The following MATN4 variants were observed in gnomAD, a reference collection of about 807,000 sequenced individuals.
MATN4 encodes the protein matrilin 4, also known as matrilin-4.
Under a neutral mutation model 54.6 loss-of-function variants are expected in MATN4, and 40 were observed. The observed-to-expected ratio is 0.73, with a 90% CI of 0.57 to 0.95. MATN4 has a LOEUF of 0.95. Ranked by LOEUF, MATN4 falls within the 40% of genes least tolerant of loss-of-function variation. The probability of loss-of-function intolerance (pLI) is 0.00; values close to 1 mark genes in which losing one functional copy is unlikely to be tolerated. For synonymous variants in MATN4, 351 were observed against 345.3 expected (o/e 1.02, Z -0.18); for missense variants, 810 against 819.1 (o/e 0.99, Z 0.13).
At position 45,308,228 on chromosome 20, in the gene MATN4, G is replaced by A. The variant is rs770134767; in HGVS notation, c.-88C>T. 9.9e-6 allele frequency: 16 copies of A among 1,613,864 alleles called. No homozygotes were observed. The highest frequency in any genetic ancestry group is 1.3e-5 in the Non-Finnish European group (15 of 1,179,734). On this transcript the variant is annotated 5_prime_UTR_variant, in exon 1 of 10. Transcript: ENST00000372756. Reference sequence around the variant, plus strand: ...AGCTGCAGAGCGAAGCCGACAGGCGGAGCCTCCCGGGCACTTGGACCAGGT... The same window carrying A: ...AGCTGCAGAGCGAAGCCGACAGGCGAAGCCTCCCGGGCACTTGGACCAGGT...
Position 45,304,574 on chromosome 20 carries a change from G to A in MATN4, c.297C>T (p.Arg99=), listed in dbSNP as rs1986456371. The part of the protein sequence containing the change: ...RAFSRREDME[R]AIRDLVPLAQ... ...CCAGAGGCACCAGGTCGCGGATGGC[G>A]CGCTCCATGTCCTCGCGGCGAGAGA... is the stretch of plus-strand genomic sequence containing the variant. The change falls in exon 3 of 10, where the codon CGC becomes CGT. Residue 99 remains arginine (R), a synonymous_variant. Coordinates refer to ENST00000372756, the MANE Select transcript of MATN4 (RefSeq NM_001393530.1). 1.9e-6 allele frequency: 3 copies of A among 1,598,696 alleles called. No individual in the cohort carries two copies. The highest frequency in any genetic ancestry group is 1.7e-5 in the Admixed American group (1 of 59,748).
intron 8 of MATN4, among the ~76,000 whole-genome samples, chr20:45,294,741 G>T (rs1985702660): frequency 6.6e-6 from 1 of 152,156 alleles, no homozygotes; most frequent in South Asian, 2.1e-4. Context: ...ACATTACATG[G>T]ACCAGTACCA....
At position 45,298,925 on chromosome 20, in the gene MATN4, A is replaced by G. The variant is rs1362641371; in HGVS notation, c.1013-342T>C. Among the ~76,000 whole-genome samples, 1 of 152,196 alleles carries G rather than the reference A, an allele frequency of 6.6e-6. No homozygotes were observed. Among genetic ancestry groups the G allele is most frequent in the Non-Finnish European group, 1.5e-5 (1 of 68,040 alleles). ...CAGGCACACTTCTAAGCACTCTACCAGTATTAACAATAATAATAACAAAAA... is the reference window on the plus strand; with the variant it reads ...CAGGCACACTTCTAAGCACTCTACCGGTATTAACAATAATAATAACAAAAA... On this transcript the variant is annotated intron_variant, in intron 6 of 9. Coordinates refer to ENST00000372756, the MANE Select transcript of MATN4 (RefSeq NM_001393530.1). This position sits in a 1 kb window ranked among gnomAD's most constrained non-coding sequence, Gnocchi z 4.6.
intron 6 of MATN4, 39 bp downstream of exon 6, chr20:45,300,848 G>A: frequency 1.2e-6 from 2 of 1,608,276 alleles, no homozygotes; most frequent in Non-Finnish European, 1.7e-6. Flanking sequence ...TGGGCAATGG[G>A]GCAGAAGCCA....
At chr20:45,305,862 G>A (rs534702029) in intron 1 of MATN4, among the ~76,000 whole-genome samples, 81 of 120,046 alleles carry the variant, frequency 6.7e-4, no homozygotes, top group African/African-American at 2.3e-3. Flanking sequence ...GGAGTGCAGT[G>A]GCATGATCTC....
chr20:45,302,678 C>A (rs1986304317), intron 3 of MATN4, among the ~76,000 whole-genome samples: 1 of 152,108 alleles, frequency 6.6e-6, no homozygotes, highest in Non-Finnish European at 1.5e-5. Flanking sequence ...GAGCAGCACA[C>A]AAAGAGCTGA....
Position 45,301,310 on chromosome 20 carries a change from G to A in MATN4, c.766+11C>T. 3.1e-6 allele frequency: 5 copies of A among 1,614,110 alleles called. No homozygotes were observed. Among genetic ancestry groups the A allele is most frequent in the Non-Finnish European group, 4.2e-6 (5 of 1,180,000 alleles). On this transcript the variant is annotated intron_variant, in intron 4 of 9. Coordinates refer to ENST00000372756, the MANE Select transcript of MATN4 (RefSeq NM_001393530.1). ...TCCAGGGTGTGGTGGGAGGGTGGGG[G>A]TGTTGCTCACCCCTGCAGCTCCTCT...
intron 6 of MATN4, among the ~76,000 whole-genome samples, chr20:45,299,223 G>A (rs993402676): frequency 6.6e-6 from 1 of 152,196 alleles, no homozygotes; most frequent in African/African-American, 2.4e-5. Context: ...AAAATGTGGT[G>A]TGTGTTGGCG....
rs774630836 is a variant in MATN4, at chr20:45,298,577, C to A, written c.1019G>T (p.Arg340Leu). Residue 340 changes from arginine (R) to leucine (L), a missense_variant, in exon 7 of 10, where the codon CGG becomes CTG. Arg to Leu is a moderately radical substitution (Grantham distance 102). Coordinates refer to ENST00000372756, the MANE Select transcript of MATN4 (RefSeq NM_001393530.1). This position sits in a 1 kb window ranked among gnomAD's most constrained non-coding sequence, Gnocchi z 4.6. The part of the protein sequence containing the change: ...QADGKSCNRC[R>L]EGHVDLVLLV... ...CAGAACAAGGTCCACGTGGCCTTCC[C>A]GGCACCCTGCACAGCCAGAAAAGCT... 9 of 1,549,624 alleles carry A rather than the reference C, an allele frequency of 5.8e-6. No homozygotes were observed. The highest frequency in any genetic ancestry group is 7.9e-6 in the Non-Finnish European group (9 of 1,143,722).
At chr20:45,300,673 A>G (rs966077347) in intron 6 of MATN4, among the ~76,000 whole-genome samples, 2 of 152,216 alleles carry the variant, frequency 1.3e-5, no homozygotes, top group Non-Finnish European at 2.9e-5. Flanking sequence ...GAATGTGATC[A>G]AATATGTATT....
Position 45,306,900 on chromosome 20 carries a change from G to T in MATN4, c.-35+1275C>A, listed in dbSNP as rs867745972. The T allele has an allele frequency of 4.8e-6, 6 of 1,256,752 alleles. No homozygotes were observed. The Middle Eastern group carries it at 1.0e-3, about 210-fold the overall frequency. The allele number at this position is 1,256,752 out of a possible 1,614,324, so 77.9% of individuals were successfully genotyped here. ...CTCGTCCAGAGGGCGGCGGGTGAGC[G>T]GCTGGGGCCCCGTGGAGCCACCATG... On this transcript the variant is annotated intron_variant, in intron 1 of 9. Coordinates refer to ENST00000372756, the MANE Select transcript of MATN4 (RefSeq NM_001393530.1).
chr20:45,300,902 C>A lies in MATN4; in HGVS notation c.997G>T (p.Gly333Cys). Reference sequence around the variant, plus strand: ...CATCACTCACGGTTGCAGCTCTTGCCATCTGCCTGAAGTTGCCGCCCCTCG... The same window carrying A: ...CATCACTCACGGTTGCAGCTCTTGCAATCTGCCTGAAGTTGCCGCCCCTCG... Reference protein sequence around the residue: ...CPEGRQLQADGKSCNRCREGH... With the variant: ...CPEGRQLQADCKSCNRCREGH... Residue 333 changes from glycine to cysteine, a missense_variant, in exon 6 of 10, where the codon GGC (glycine) becomes TGC (cysteine). Physicochemically the swap from Gly to Cys is radical, Grantham distance 159. Coordinates refer to ENST00000372756, the MANE Select transcript of MATN4 (RefSeq NM_001393530.1). 1 of 1,613,114 alleles carries A rather than the reference C, an allele frequency of 6.2e-7. No homozygotes were observed. The highest frequency in any genetic ancestry group is 8.5e-7 in the Non-Finnish European group (1 of 1,180,044).
At chr20:45,308,588 G>A (rs1437904886), upstream of MATN4, 5 of 310,700 alleles carry the variant, frequency 1.6e-5, no homozygotes, top group Non-Finnish European at 3.1e-5. Context: ...GCCCCAAGGG[G>A]TGGAGCGGTC....
At chr20:45,300,444 A>G (rs955523044) in intron 6 of MATN4, among the ~76,000 whole-genome samples, 1 of 152,170 alleles carries the variant, frequency 6.6e-6, no homozygotes, top group Non-Finnish European at 1.5e-5. Context: ...GACATTTCAC[A>G]CAGAACTAAA....
chr20:45,296,407 T>C (rs1403246859), intron 8 of MATN4, among the ~76,000 whole-genome samples: 1 of 152,148 alleles, frequency 6.6e-6, no homozygotes, highest in African/African-American at 2.4e-5. Context: ...CTTAGTCTTA[T>C]ATGTACTATG....
chr20:45,297,896 G>T (rs2227274), intron 8 of MATN4, 22 bp downstream of exon 8: 389,637 of 1,609,826 alleles, frequency 0.24, 49,189 homozygotes, highest in Admixed American at 0.33. Context: ...GAGAGGAGGA[G>T]CCCCGAGAGA....
At position 45,298,483 on chromosome 20, in the gene MATN4, A is replaced by T. The variant is rs752404503; in HGVS notation, c.1113T>A (p.Ile371=). 3.1e-6 allele frequency: 5 copies of T among 1,613,642 alleles called. No individual in the cohort carries two copies. The highest frequency in any genetic ancestry group is 3.4e-6 in the Non-Finnish European group (4 of 1,179,862). ...CGGGGGACACATCTAGGAAGTCCAC[A>T]ATCTGGTTCACGAAGCGCTTCACTA... ...FELVKRFVNQ[I]VDFLDVSPEG... is the part of the protein sequence containing the mutation. The change falls in exon 7 of 10, where the codon ATT becomes ATA. Residue 371 remains isoleucine, a synonymous_variant. Coordinates refer to ENST00000372756, the MANE Select transcript of MATN4 (RefSeq NM_001393530.1). This position sits in a 1 kb window ranked among gnomAD's most constrained non-coding sequence, Gnocchi z 4.6.
chr20:45,293,855 G>A (rs750175077), intron 9 of MATN4, 30 bp from the exon 10 acceptor site: 51 of 1,609,294 alleles, frequency 3.2e-5, no homozygotes, highest in Non-Finnish European at 3.4e-6. Context: ...GTTGGGGTTC[G>A]CCGAGGTCCC....
At chr20:45,305,838 C>T (rs1047849021) in intron 1 of MATN4, among the ~76,000 whole-genome samples, 2 of 25,286 alleles carry the variant, frequency 7.9e-5, no homozygotes, top group Non-Finnish European at 1.5e-4. Flanking sequence ...GAGTCTTGCT[C>T]TGTCGTCCCG....
Sources: allele counts gnomAD v4.1 joint callset (sites outside exome capture counted in the v4.1 genomes callset), GRCh38; gene constraint gnomAD v4.1.1; non-coding constraint Gnocchi (gnomAD v3.1); transcripts MANE v1.5; gene names NCBI Gene and HGNC (gene_info 2026-07-23, HGNC 2026-07-21).